The following NTNG1 variants were observed in gnomAD, a reference collection of about 807,000 sequenced individuals.
NTNG1 encodes netrin G1.
NTNG1 carries 16 observed loss-of-function variants against 54.0 expected under a neutral mutation model. The observed-to-expected ratio is 0.30, with a 90% CI of 0.20 to 0.45. NTNG1 has a LOEUF of 0.45. Among genes scored for constraint, NTNG1 ranks in the 20% least tolerant of loss-of-function variants. The pLI, the probability that NTNG1 is intolerant of heterozygous loss-of-function variation, is 1.00. For synonymous variants in NTNG1, 255 were observed against 263.1 expected, an observed-to-expected ratio of 0.97 and a Z score of 0.30; for missense variants, 530 against 678.7, an observed-to-expected ratio of 0.78 and a Z score of 2.43.
chr1:107,331,838 T>G (rs4915036), intron 3 of NTNG1, among the ~76,000 whole-genome samples: 116,491 of 151,836 alleles, frequency 0.77, 46,971 homozygotes, highest in Non-Finnish European at 0.9. Context: ...TCATAAATTT[T>G]TAATCAATGA....
chr1:107,189,482 G>A (rs753146075), intron 2 of NTNG1, among the ~76,000 whole-genome samples: 6 of 150,706 alleles, frequency 4.0e-5, no homozygotes, highest in Non-Finnish European at 5.9e-5. Context: ...GGCGGGGGAG[G>A]GGTGTCAAAA....
At chr1:107,455,054 T>C (rs1380520294) in intron 7 of NTNG1, among the ~76,000 whole-genome samples, 1 of 151,416 alleles carries the variant, frequency 6.6e-6, no homozygotes, top group African/African-American at 2.4e-5. Context: ...GTCACTCACA[T>C]GGTGACTATT....
intron 2 of NTNG1, among the ~76,000 whole-genome samples, chr1:107,265,680 G>A (rs527906838): frequency 4.6e-5 from 7 of 152,288 alleles, no homozygotes; most frequent in Non-Finnish European, 1.0e-4. Context: ...TTCAGTATAA[G>A]AAATTGAAAT....
chr1:107,383,889 A>G (rs1257303626), intron 3 of NTNG1, among the ~76,000 whole-genome samples: 1 of 152,240 alleles, frequency 6.6e-6, no homozygotes, highest in East Asian at 1.9e-4. Flanking sequence ...CTGTGCATAT[A>G]TTAAGCACCT....
chr1:107,356,042 T>G (rs760098419), intron 3 of NTNG1, among the ~76,000 whole-genome samples: 5 of 152,188 alleles, frequency 3.3e-5, no homozygotes, highest in Admixed American at 6.5e-5. Context: ...TGAAAATGTA[T>G]TCACTATGAA....
chr1:107,367,462 T>G (rs1186280258), intron 3 of NTNG1, among the ~76,000 whole-genome samples: 1 of 152,140 alleles, frequency 6.6e-6, no homozygotes, highest in African/African-American at 2.4e-5. Context: ...ACTTCATTTG[T>G]AACTAAGATC....
intron 2 of NTNG1, among the ~76,000 whole-genome samples, chr1:107,295,256 G>A (rs747699583): frequency 2.6e-5 from 4 of 152,076 alleles, no homozygotes; most frequent in Non-Finnish European, 5.9e-5. Flanking sequence ...GTTCCCTTTA[G>A]ATGTGATTGT....
chr1:107,415,589 G>C (rs967117067), intron 5 of NTNG1, among the ~76,000 whole-genome samples: 1 of 152,064 alleles, frequency 6.6e-6, no homozygotes, highest in Non-Finnish European at 1.5e-5. Context: ...CTGAATCCCA[G>C]TGCCCTTTGC....
intron 2 of NTNG1, among the ~76,000 whole-genome samples, chr1:107,157,624 T>C (rs1393672482): frequency 6.6e-6 from 1 of 152,200 alleles, no homozygotes; most frequent in African/African-American, 2.4e-5. Context: ...GAGATTGATA[T>C]AGGGACATAT....
At chr1:107,409,471 C>G (rs1673658486) in intron 5 of NTNG1, 1 of 152,214 alleles carries the variant, frequency 6.6e-6, no homozygotes, top group Admixed American at 6.6e-5. Context: ...ACCACATTCC[C>G]CATATCTGAG....
At chr1:107,361,295 TAA>T (rs1280425252) in intron 3 of NTNG1, among the ~76,000 whole-genome samples, 1 of 142,336 alleles carries the variant, frequency 7.0e-6, no homozygotes, top group Admixed American at 7.2e-5. Context: ...AATTTTTATA[TAA>T]AAATATATAA....
chr1:107,231,192 C>T (rs1009130324), intron 2 of NTNG1, among the ~76,000 whole-genome samples: 8 of 152,244 alleles, frequency 5.3e-5, no homozygotes, highest in African/African-American at 1.9e-4. Flanking sequence ...AATACAATGC[C>T]ATGATGGCCA....
chr1:107,205,078 G>C (rs1401627373), intron 2 of NTNG1, among the ~76,000 whole-genome samples: 1 of 152,156 alleles, frequency 6.6e-6, no homozygotes, highest in East Asian at 1.9e-4. Context: ...AGCTCCACTA[G>C]GACTTTGACC....
rs148098521 is a variant in NTNG1, at chr1:107,398,787, T to C, written c.1060+3461T>C. ...TCTCCTTATTGATCTTCATTCTTTT[T>C]TGATAGAATTCTATTTTGGATGTCC... is the stretch of plus-strand genomic sequence containing the variant. On this transcript the variant is annotated intron_variant, in intron 4 of 7. Transcript: ENST00000370068. Among the ~76,000 whole-genome samples the C allele has an allele frequency of 2.0e-3, 301 of 152,294 alleles. 1 individual carries two copies. The highest frequency in any genetic ancestry group is 4.5e-3 in the Admixed American group (69 of 15,282).
intron 5 of NTNG1, chr1:107,408,259 T>C (rs565941914): frequency 5.9e-6 from 1 of 169,896 alleles, no homozygotes; most frequent in Non-Finnish European, 1.3e-5. Context: ...TCTGGAGAGA[T>C]AAAGGAAAAA....
chr1:107,453,701 T>C (rs1676761710), intron 7 of NTNG1, among the ~76,000 whole-genome samples: 2 of 152,198 alleles, frequency 1.3e-5, no homozygotes, highest in South Asian at 4.1e-4. Context: ...CTCTTACACA[T>C]AAAAACTCTC....
rs968731477 is a variant in NTNG1 at position 107,154,615 on chromosome 1, A to AC, written c.246+5776_246+5777insC. ...TGTCTCAAAAAAAAAAAAAAAAAAA[A>AC]AAAAAAAAACTGGGTGGAGCAGATG... On this transcript the variant is annotated intron_variant, in intron 2 of 7. Coordinates refer to ENST00000370068, the MANE Select transcript of NTNG1 (RefSeq NM_001113226.3). Among the ~76,000 whole-genome samples, 26 of 149,770 alleles carry AC rather than the reference A, an allele frequency of 1.7e-4. 1 individual carries two copies. Among genetic ancestry groups the AC allele is most frequent in the African/African-American group, 5.7e-4 (23 of 40,552 alleles).
chr1:107,465,641 G>A (rs1677555286), intron 7 of NTNG1, among the ~76,000 whole-genome samples: 1 of 152,158 alleles, frequency 6.6e-6, no homozygotes, highest in African/African-American at 2.4e-5. Flanking sequence ...AAGAATGGGT[G>A]GAGAGTTTAG....
chr1:107,399,825 C>T (rs1031070031), intron 4 of NTNG1, among the ~76,000 whole-genome samples: 10 of 152,084 alleles, frequency 6.6e-5, no homozygotes, highest in African/African-American at 2.4e-4. Flanking sequence ...CTTTCTCTGT[C>T]CTCCACTGGG....
Sources: gnomAD v4.1 joint callset for allele counts (sites outside exome capture counted in the v4.1 genomes callset) on GRCh38, gnomAD v4.1.1 for gene constraint, MANE v1.5 for transcripts, NCBI Gene and HGNC (gene_info 2026-07-23, HGNC 2026-07-21) for gene names.